The following NOTCH2 variants were observed in gnomAD, a reference collection of about 807,000 sequenced individuals.
NOTCH2 encodes neurogenic locus notch homolog protein 2.
Under a neutral mutation model 235.8 loss-of-function variants are expected in NOTCH2, and 29 were observed. The observed-to-expected ratio is 0.12, with a 90% CI of 0.09 to 0.17. The LOEUF is 0.17. Among genes scored for constraint, NOTCH2 ranks in the 10% least tolerant of loss-of-function variants. NOTCH2 has a pLI of 1.00. For missense variants in NOTCH2, 2,285 were observed against 3,150.2 expected, an observed-to-expected ratio of 0.73 and a Z score of 6.57; for synonymous variants, 1,086 against 1,141.5, an observed-to-expected ratio of 0.95 and a Z score of 0.98.
Position 119,913,479 on chromosome 1 carries a change from G to A in NOTCH2, c.*1827C>T. ...CTGTTAATATCTACAAAATGCCCAG[G>A]CAGAACTTATTTTGCAGGTGTCATG... On this transcript the variant is annotated 3_prime_UTR_variant, in exon 34 of 34. Coordinates refer to ENST00000256646, the MANE Select transcript of NOTCH2 (RefSeq NM_024408.4). 1 of 233,256 alleles carries A rather than the reference G, an allele frequency of 4.3e-6. No individual in the cohort carries two copies. The highest frequency in any genetic ancestry group is 8.5e-6 in the Non-Finnish European group (1 of 118,048). The allele number at this position is 233,256 out of a possible 1,614,324, so 14.4% of individuals were successfully genotyped here. A position where few individuals can be genotyped will look rare whatever the true frequency, so the allele number is the denominator to read the frequency against.
chr1:119,917,752 A>C lies in NOTCH2; in HGVS notation c.5940T>G (p.Ala1980=). ...TATTGACAGCAGCTGCCCAGTGAAG[A>C]GCAGATTTTCCTGCAGGGGAGAAAC... ...VNAVDDHGKS[A]LHWAAAVNNV... The change falls in exon 33 of 34, where the codon GCT becomes GCG. Residue 1980 remains alanine (A), a synonymous_variant. Coordinates refer to ENST00000256646, the MANE Select transcript of NOTCH2 (RefSeq NM_024408.4). The C allele has an allele frequency of 6.2e-7, 1 of 1,612,298 alleles. No homozygotes were observed. The highest frequency in any genetic ancestry group is 8.5e-7 in the Non-Finnish European group (1 of 1,178,400).
rs1187392580 is a variant in NOTCH2, at chr1:119,984,314, T to C, written c.874+2646A>G. On this transcript the variant is annotated intron_variant, in intron 5 of 33. Transcript: ENST00000256646. ...AAAAGACTACAGATTTGAGCAAAGA[T>C]TTGGAGTTCAACAAGCCTAGATTCA... is the stretch of plus-strand genomic sequence containing the variant. Among the ~76,000 whole-genome samples the C allele has an allele frequency of 4.6e-5, 7 of 152,290 alleles. No homozygotes were observed. In the East Asian group the frequency reaches 1.3e-3, roughly 29 times the overall value.
At position 119,925,498 on chromosome 1, in the gene NOTCH2, C is replaced by T; in HGVS notation, c.4318G>A (p.Asp1440Asn). 1 of 1,614,184 alleles carries T rather than the reference C, an allele frequency of 6.2e-7. No individual in the cohort carries two copies. The highest frequency in any genetic ancestry group is 1.1e-5 in the South Asian group (1 of 91,084). Residue 1440 changes from aspartate to asparagine, a missense_variant, in exon 25 of 34, where the codon GAT becomes AAT. Transcript: ENST00000256646. ...CADKARDGVC[D>N]EACNSHACQW... ...CAGGCATGGCTGTTGCAGGCCTCAT[C>T]ACAGACGCCATCCCGAGCTTTGTCG... is the stretch of plus-strand genomic sequence containing the variant.
intron 22 of NOTCH2, 71 bp from the exon 23 acceptor site, chr1:119,929,283 C>A: frequency 7.9e-7 from 1 of 1,262,318 alleles, no homozygotes; most frequent in Non-Finnish European, 1.2e-6. Context: ...GGATAACCAC[C>A]CTTGTTGGCA....
rs1350412533 is a variant in NOTCH2 at position 120,039,447 on chromosome 1, C to G, written c.74-9460G>C. On this transcript the variant is annotated intron_variant, in intron 1 of 33. Transcript: ENST00000256646. ...TTTTTGAGATGGAGTCTCGCTCTGT[C>G]GCCCAGGCTGGAGTGCAGTGGCGCA... Among the ~76,000 whole-genome samples the G allele has an allele frequency of 6.9e-5, 10 of 144,710 alleles. No homozygotes were observed. The South Asian group carries it at 2.0e-3, about 28-fold the overall frequency. The allele number at this position is 144,710 out of a possible 152,430, so 94.9% of individuals were successfully genotyped here. A position where few individuals can be genotyped will look rare whatever the true frequency, so the allele number is the denominator to read the frequency against.
intron 5 of NOTCH2, among the ~76,000 whole-genome samples, chr1:119,976,678 T>C (rs1651591989): frequency 1.3e-5 from 2 of 152,138 alleles, no homozygotes; most frequent in East Asian, 1.9e-4. Flanking sequence ...TTTGATGAAT[T>C]ATTTTGCATT....
At chr1:119,967,757 T>A (rs1209099719) in intron 7 of NOTCH2, 136 bp from the exon 8 acceptor site, 3 of 826,686 alleles carry the variant, frequency 3.6e-6, no homozygotes, top group East Asian at 5.3e-5. Flanking sequence ...CTATTTTTTT[T>A]TCCTTAATTT....
At position 119,918,408 on chromosome 1, in the gene NOTCH2, T is replaced by C; in HGVS notation, c.5927A>G (p.His1976Arg). Residue 1976 changes from histidine (H) to arginine (R), a missense_variant and splice_region_variant, in exon 32 of 34, where the codon CAT becomes CGT. Physicochemically the swap from His to Arg is conservative, Grantham distance 29 (BLOSUM62 0). Around this residue, in one of 6 missense-constraint regions of NOTCH2, gnomAD observed 128 missense variants for 255.9 expected, o/e 0.50. Transcript: ENST00000256646. ...AAATCCCTGCCTTTCATCCCTACCATGGTCATCCACTGCATTCACATCCGC... is the reference window on the plus strand; with the variant it reads ...AAATCCCTGCCTTTCATCCCTACCACGGTCATCCACTGCATTCACATCCGC... Reference protein sequence around the residue: ...CQADVNAVDDHGKSALHWAAA... With the variant: ...CQADVNAVDDRGKSALHWAAA... 6.2e-7 allele frequency: 1 copy of C among 1,614,106 alleles called. No individual in the cohort carries two copies. Among genetic ancestry groups the C allele is most frequent in the Non-Finnish European group, 8.5e-7 (1 of 1,180,034 alleles).
intron 12 of NOTCH2, 116 bp from the exon 13 acceptor site, chr1:119,955,348 G>A (rs587627093): frequency 2.0e-6 from 2 of 988,170 alleles, no homozygotes; most frequent in East Asian, 2.5e-5. Flanking sequence ...GGTGCCTTGA[G>A]GCACCAAATG....
At position 119,913,922 on chromosome 1, in the gene NOTCH2, T is replaced by C. The variant is rs1648975447; in HGVS notation, c.*1384A>G. On this transcript the variant is annotated 3_prime_UTR_variant, in exon 34 of 34. Coordinates refer to ENST00000256646, the MANE Select transcript of NOTCH2 (RefSeq NM_024408.4). Reference sequence around the variant, plus strand: ...AAAACAAGTCCAACTTTCCAATTCCTGCACTTGAACATATAAAGTCCATGT... The same window carrying C: ...AAAACAAGTCCAACTTTCCAATTCCCGCACTTGAACATATAAAGTCCATGT... 2 of 232,908 alleles carry C rather than the reference T, an allele frequency of 8.6e-6. No homozygotes were observed. 14.4% of individuals were successfully genotyped at this position (232,908 alleles called of 1,614,324 possible).
chr1:119,981,477 T>C (rs768417524), intron 5 of NOTCH2, among the ~76,000 whole-genome samples: 106 of 152,310 alleles, frequency 7.0e-4, no homozygotes, highest in South Asian at 1.9e-3. Flanking sequence ...AATAGATAAA[T>C]TATTGAACCT....
chr1:119,973,675 G>A (rs1553200625), intron 5 of NOTCH2, among the ~76,000 whole-genome samples: 5 of 152,184 alleles, frequency 3.3e-5, no homozygotes, highest in South Asian at 4.2e-4. Flanking sequence ...AGGAACACTC[G>A]TATTAGAAAG....
At chr1:119,919,690 G>A (rs1649204888) in intron 30 of NOTCH2, 77 bp from the exon 31 acceptor site, 2 of 1,399,334 alleles carry the variant, frequency 1.4e-6, no homozygotes, top group African/African-American at 1.4e-5. Context: ...AGCTCTATTT[G>A]ACTAAAGTTA....
intron 10 of NOTCH2, among the ~76,000 whole-genome samples, chr1:119,964,912 T>C (rs1487453830): frequency 1.3e-5 from 2 of 152,248 alleles, no homozygotes; most frequent in Non-Finnish European, 2.9e-5. Context: ...CAGATCGTTT[T>C]TGACTCTAGT....
chr1:119,960,275 T>A (rs1553198862), intron 11 of NOTCH2, among the ~76,000 whole-genome samples: 1 of 152,054 alleles, frequency 6.6e-6, no homozygotes, highest in East Asian at 1.9e-4. Context: ...TCTATCACTG[T>A]GAGCTTGACA....
Position 119,949,169 on chromosome 1 carries a change from GA to G in NOTCH2, c.2480-44del, listed in dbSNP as rs1553197427. 4 of 1,612,608 alleles carry G rather than the reference GA, an allele frequency of 2.5e-6. No homozygotes were observed. In the Admixed American group the frequency reaches 6.7e-5, roughly 27 times the overall value. On this transcript the variant is annotated intron_variant, in intron 15 of 33. Coordinates refer to ENST00000256646, the MANE Select transcript of NOTCH2 (RefSeq NM_024408.4). ...GAGTTTATGACAGATAAACAGGTAAGAAAACGAAAATTTTCCTTATCCCAAG... is the reference window on the plus strand; with the variant it reads ...GAGTTTATGACAGATAAACAGGTAAGAAACGAAAATTTTCCTTATCCCAAG...
intron 10 of NOTCH2, among the ~76,000 whole-genome samples, chr1:119,964,178 AATGATTTCATGTATCTT>A (rs1358435718): frequency 9.8e-5 from 15 of 152,296 alleles, no homozygotes; most frequent in African/African-American, 2.6e-4. Context: ...TATACAGGTT[AATGATTTCATGTATCTT>A]ATGTCCCCAA....
chr1:119,938,399 C>A (rs1163305131), intron 19 of NOTCH2, among the ~76,000 whole-genome samples: 9 of 152,010 alleles, frequency 5.9e-5, no homozygotes, highest in African/African-American at 2.2e-4. Flanking sequence ...AATAAACAAG[C>A]TATACATTCA....
Position 119,915,223 on chromosome 1 carries a change from A to G in NOTCH2, c.*83T>C. ...AGAAGCTGGCTCCAGAGATTTCTTC[A>G]TTTCTCTCCCGGATGACCTTCATTT... On this transcript the variant is annotated 3_prime_UTR_variant, in exon 34 of 34. Coordinates refer to ENST00000256646, the MANE Select transcript of NOTCH2 (RefSeq NM_024408.4). 7.0e-7 allele frequency: 1 copy of G among 1,418,758 alleles called. No individual in the cohort carries two copies. The highest frequency in any genetic ancestry group is 9.9e-7 in the Non-Finnish European group (1 of 1,011,968). The allele number at this position is 1,418,758 out of a possible 1,614,324, so 87.9% of individuals were successfully genotyped here.
Sources: allele counts gnomAD v4.1 joint callset (sites outside exome capture counted in the v4.1 genomes callset), GRCh38; gene constraint gnomAD v4.1.1; regional missense constraint gnomAD v4.1.1; transcripts MANE v1.5; gene names NCBI Gene and HGNC (gene_info 2026-07-23, HGNC 2026-07-21).